PTPRM: variants seen among roughly 807,000 people sequenced by gnomAD.
PTPRM encodes receptor-type tyrosine-protein phosphatase mu.
In PTPRM, 47 loss-of-function variants were observed where a neutral mutation model predicts 186.7. The observed-to-expected ratio is 0.25, with a 90% CI of 0.20 to 0.32. The LOEUF (loss-of-function observed/expected upper bound fraction) is 0.32. Ranked by LOEUF, PTPRM falls within the 10% of genes least tolerant of loss-of-function variation. PTPRM has a pLI of 1.00. For missense variants in PTPRM, 1,494 were observed against 1,865.0 expected (o/e 0.80, Z 3.66); for synonymous variants, 668 against 674.9 (o/e 0.99, Z 0.16).
At chr18:7,737,244 C>T (rs937829699) in intron 1 of PTPRM, among the ~76,000 whole-genome samples, 14 of 151,664 alleles carry the variant, frequency 9.2e-5, no homozygotes, top group Non-Finnish European at 1.9e-4. Flanking sequence ...TACAGGTGCC[C>T]GCCACCACGC....
chr18:7,931,903 A>G (rs937943603), intron 5 of PTPRM, among the ~76,000 whole-genome samples: 2 of 152,206 alleles, frequency 1.3e-5, no homozygotes, highest in African/African-American at 4.8e-5. Flanking sequence ...AACCAAAGCT[A>G]GCTAGTGTTT....
chr18:8,032,321 A>T (rs1291542475), intron 7 of PTPRM, among the ~76,000 whole-genome samples: 1 of 152,136 alleles, frequency 6.6e-6, no homozygotes, highest in African/African-American at 2.4e-5. Flanking sequence ...TATATATAAA[A>T]CTTCATAATA....
chr18:8,054,739 C>A (rs2087793396), intron 7 of PTPRM, among the ~76,000 whole-genome samples: 1 of 151,640 alleles, frequency 6.6e-6, no homozygotes. Flanking sequence ...TTTTTTTGCT[C>A]ACCATTTCTT....
intron 1 of PTPRM, among the ~76,000 whole-genome samples, chr18:7,662,217 T>C (rs2038996560): frequency 6.6e-6 from 1 of 152,216 alleles, no homozygotes; most frequent in South Asian, 2.1e-4. Flanking sequence ...GTTACAGGCA[T>C]GAGCCACTAT....
At position 7,771,572 on chromosome 18, in the gene PTPRM, T is replaced by A. The variant is rs563107514; in HGVS notation, c.74-2577T>A. ...AATTAAGTCTGTATCTTTTGAGTTGTTTTGTTCTCAATGGAGTGTTTAGTT... is the reference window on the plus strand; with the variant it reads ...AATTAAGTCTGTATCTTTTGAGTTGATTTGTTCTCAATGGAGTGTTTAGTT... On this transcript the variant is annotated intron_variant, in intron 1 of 32. Transcript: ENST00000580170. Among the ~76,000 whole-genome samples the A allele has an allele frequency of 1.1e-4, 16 of 152,346 alleles. No homozygotes were observed. In the South Asian group the frequency reaches 3.3e-3, roughly 32 times the overall value.
At chr18:8,298,325 G>T (rs548852840) in intron 20 of PTPRM, among the ~76,000 whole-genome samples, 2 of 152,210 alleles carry the variant, frequency 1.3e-5, no homozygotes, top group African/African-American at 4.8e-5. Flanking sequence ...TGGAAGTGAA[G>T]TGGGGAATCC....
intron 7 of PTPRM, among the ~76,000 whole-genome samples, chr18:7,981,665 G>A (rs574646751): frequency 6.6e-6 from 1 of 152,292 alleles, no homozygotes; most frequent in East Asian, 1.9e-4. Context: ...CAATGGGGCT[G>A]TATTCTGAGA....
intron 4 of PTPRM, among the ~76,000 whole-genome samples, chr18:7,921,608 C>T (rs996964335): frequency 1.3e-5 from 2 of 152,126 alleles, no homozygotes; most frequent in African/African-American, 4.8e-5. Flanking sequence ...TCTCTAACTC[C>T]TGGCCTCATG....
At chr18:8,183,926 A>G (rs1290242668) in intron 14 of PTPRM, among the ~76,000 whole-genome samples, 4 of 152,192 alleles carry the variant, frequency 2.6e-5, no homozygotes, top group Non-Finnish European at 4.4e-5. Flanking sequence ...ATTCTGGCCC[A>G]TGAGTAGAAG....
At chr18:7,609,243 T>C (rs564734746) in intron 1 of PTPRM, among the ~76,000 whole-genome samples, 1 of 152,310 alleles carries the variant, frequency 6.6e-6, no homozygotes, top group South Asian at 2.1e-4. Flanking sequence ...ATAGTGAAGT[T>C]TATCCTCCTG....
chr18:7,788,450 G>T (rs1438060495), intron 2 of PTPRM, among the ~76,000 whole-genome samples: 1 of 152,152 alleles, frequency 6.6e-6, no homozygotes, highest in Non-Finnish European at 1.5e-5. Flanking sequence ...CTTTCTGGAT[G>T]GTAGAGGGTT....
In PTPRM at chr18:8,321,403, C is replaced by G. The variant is rs576649049; in HGVS notation, c.2956+2189C>G. Among the ~76,000 whole-genome samples, 8 of 152,216 alleles carry G rather than the reference C, an allele frequency of 5.3e-5. No individual in the cohort carries two copies. In the East Asian group the frequency reaches 1.5e-3, roughly 29 times the overall value. Reference sequence around the variant, plus strand: ...ATGGCTCTTTACCAGGCTTCCTTCCCTTTGTCCATTCTCTCTGCCCCTCTC... The same window carrying G: ...ATGGCTCTTTACCAGGCTTCCTTCCGTTTGTCCATTCTCTCTGCCCCTCTC... On this transcript the variant is annotated intron_variant, in intron 22 of 32. Transcript: ENST00000580170.
intron 4 of PTPRM, among the ~76,000 whole-genome samples, chr18:7,908,712 G>A (rs2146582858): frequency 6.6e-6 from 1 of 152,280 alleles, no homozygotes; most frequent in Admixed American, 6.5e-5. Flanking sequence ...GGGAGTTCAA[G>A]AAGATTCCCT....
intron 2 of PTPRM, among the ~76,000 whole-genome samples, chr18:7,784,064 T>G (rs1201238679): frequency 1.3e-5 from 2 of 152,044 alleles, no homozygotes; most frequent in Non-Finnish European, 2.9e-5. Flanking sequence ...AAGTTCTGTG[T>G]GACCTAGGGC....
chr18:7,950,995 C>A (rs748395820), intron 6 of PTPRM, among the ~76,000 whole-genome samples: 1 of 152,128 alleles, frequency 6.6e-6, no homozygotes, highest in Non-Finnish European at 1.5e-5. Flanking sequence ...GAGGCCACCT[C>A]GAGAATCGTC....
intron 1 of PTPRM, among the ~76,000 whole-genome samples, chr18:7,588,917 A>C (rs1045180797): frequency 1.3e-5 from 2 of 152,210 alleles, no homozygotes; most frequent in Non-Finnish European, 2.9e-5. Context: ...TGGTGGGATC[A>C]GGACTCACTG....
At chr18:7,806,603 A>G (rs111946167) in intron 2 of PTPRM, among the ~76,000 whole-genome samples, 3,794 of 152,308 alleles carry the variant, frequency 0.025, 51 homozygotes, top group African/African-American at 0.045. Context: ...AGCCACAACC[A>G]CATTCTGTAT....
At chr18:7,613,672 CA>C (rs78083328) in intron 1 of PTPRM, among the ~76,000 whole-genome samples, 5,110 of 129,174 alleles carry the variant, frequency 0.04, 83 homozygotes, top group Middle Eastern at 0.095. Context: ...GACTCCGTCT[CA>C]AAAAAAAAAA....
At chr18:7,769,982 G>A (rs1449127455) in intron 1 of PTPRM, among the ~76,000 whole-genome samples, 4 of 152,026 alleles carry the variant, frequency 2.6e-5, no homozygotes, top group Non-Finnish European at 5.9e-5. Flanking sequence ...ATATGACTTG[G>A]GTTTAGTCGT....
Sources: allele counts gnomAD v4.1 joint callset (sites outside exome capture counted in the v4.1 genomes callset), GRCh38; gene constraint gnomAD v4.1.1; transcripts MANE v1.5; gene names NCBI Gene and HGNC (gene_info 2026-07-23, HGNC 2026-07-21).